Variants in RUVBL1 observed in about 807,000 individuals in gnomAD.
RUVBL1 encodes RuvB like AAA ATPase 1, also known as ruvB-like 1.
A neutral mutation model predicts 52.4 loss-of-function variants in RUVBL1; 4 were observed. That is an observed-to-expected ratio of 0.08 (90% CI 0.04 to 0.17). RUVBL1 has a LOEUF of 0.17. Among genes scored for constraint, RUVBL1 ranks in the 10% least tolerant of loss-of-function variants. The pLI is 1.00. For missense variants in RUVBL1, 298 were observed against 572.8 expected, an observed-to-expected ratio of 0.52 and a Z score of 4.90; for synonymous variants, 217 against 214.4, an observed-to-expected ratio of 1.01 and a Z score of -0.10.
intron 2 of RUVBL1, among the ~76,000 whole-genome samples, chr3:128,114,631 G>A (rs1576470282): frequency 6.6e-6 from 1 of 152,150 alleles, no homozygotes; most frequent in Non-Finnish European, 1.5e-5. Context: ...AGGCAGACAC[G>A]CCACAGTGCA....
chr3:128,065,184 G>A (rs1941927176), exon 10 of RUVBL1: 1 of 913,530 alleles, frequency 1.1e-6, no homozygotes, highest in African/African-American at 1.6e-5. Context: ...CAGGTTTCCA[G>A]ATGAGCTGGA....
chr3:128,141,321 T>A (rs1944018327), intron 1 of RUVBL1, among the ~76,000 whole-genome samples: 2 of 152,164 alleles, frequency 1.3e-5, no homozygotes, highest in Non-Finnish European at 2.9e-5. Flanking sequence ...CAAATCCTGC[T>A]TTTTCTGAGC....
chr3:128,137,153 A>G (rs1226835613), intron 1 of RUVBL1, among the ~76,000 whole-genome samples: 1 of 152,218 alleles, frequency 6.6e-6, no homozygotes, highest in African/African-American at 2.4e-5. Context: ...ATCTTAAATA[A>G]CTAGAAAAGC....
chr3:128,076,224 G>A (rs1053344912), downstream of RUVBL1: 3 of 152,502 alleles, frequency 2.0e-5, no homozygotes, highest in Non-Finnish European at 4.4e-5. The surrounding 1 kb of genome is among the most constrained non-coding windows in gnomAD (Gnocchi z 6.8). Flanking sequence ...GCGGAGGAGG[G>A]GGGTGGGAAG....
rs766547190 is a variant in RUVBL1 at position 128,081,386 on chromosome 3, G to A, written c.1235C>T (p.Pro412Leu). 5 of 1,614,074 alleles carry A rather than the reference G, an allele frequency of 3.1e-6. No homozygotes were observed. The highest frequency in any genetic ancestry group is 3.4e-6 in the Non-Finnish European group (4 of 1,179,960). The change falls in exon 11 of 11, where the codon CCG becomes CTG. Residue 412 changes from proline to leucine, a missense_variant. Around this residue, in one of 5 missense-constraint regions of RUVBL1, gnomAD observed 161 missense variants for 298.3 expected, o/e 0.54. Transcript: ENST00000322623. This position sits in a 1 kb window ranked among gnomAD's most constrained non-coding sequence, Gnocchi z 4.8. ...GTTGATTTTAGCAAGCAAGTTGGCC[G>A]GGGTCAGCAGCTGCACTGAGTACCT... The part of the protein sequence containing the change: ...TLRYSVQLLT[P>L]ANLLAKINGK...
intron 2 of RUVBL1, among the ~76,000 whole-genome samples, chr3:128,113,310 A>G (rs906123436): frequency 1.3e-5 from 2 of 152,246 alleles, no homozygotes. Flanking sequence ...TGAAATAGAC[A>G]CTAGTATTCT....
chr3:128,068,463 G>A (rs72974051), intron 9 of RUVBL1, among the ~76,000 whole-genome samples: 141 of 152,334 alleles, frequency 9.3e-4, no homozygotes, highest in African/African-American at 3.1e-3. Flanking sequence ...GCATCTGAGC[G>A]CATTTTGGGG....
At position 128,112,807 on chromosome 3, in the gene RUVBL1, G is replaced by C. The variant is rs886442084; in HGVS notation, c.361+81C>G. On this transcript the variant is annotated intron_variant, in intron 3 of 10. Coordinates refer to ENST00000322623, the MANE Select transcript of RUVBL1 (RefSeq NM_003707.3). Reference sequence around the variant, plus strand: ...AGTGCCACGAATACCAGTCATAAAGGCATCTTCACCACAAAGAGGCTTCGG... The same window carrying C: ...AGTGCCACGAATACCAGTCATAAAGCCATCTTCACCACAAAGAGGCTTCGG... The C allele has an allele frequency of 1.6e-4, 236 of 1,470,126 alleles. 2 individuals carry two copies. Among genetic ancestry groups the C allele is most frequent in the Non-Finnish European group, 3.1e-5 (33 of 1,078,632 alleles). 91.1% of individuals were successfully genotyped at this position (1,470,126 alleles called of 1,614,324 possible). A position where few individuals can be genotyped will look rare whatever the true frequency, so the allele number is the denominator to read the frequency against.
intron 7 of RUVBL1, among the ~76,000 whole-genome samples, chr3:128,098,343 T>C (rs9856227): frequency 0.071 from 10,778 of 152,266 alleles, 1,009 homozygotes; most frequent in East Asian, 0.35. Context: ...TGGCTTAAAC[T>C]TTAAAGACAA....
intron 1 of RUVBL1, among the ~76,000 whole-genome samples, chr3:128,136,148 C>T (rs572220531): frequency 6.7e-6 from 1 of 149,966 alleles, no homozygotes; most frequent in East Asian, 2.0e-4. Context: ...TTTAAAGATA[C>T]CACCAGAGAA....
At chr3:128,097,807 C>T (rs1403812793) in intron 7 of RUVBL1, among the ~76,000 whole-genome samples, 4 of 152,240 alleles carry the variant, frequency 2.6e-5, no homozygotes, top group Admixed American at 2.6e-4. Context: ...TGCTGTCACA[C>T]TCCCTACCAT....
intron 9 of RUVBL1, among the ~76,000 whole-genome samples, chr3:128,068,236 C>T (rs953806239): frequency 3.9e-5 from 6 of 152,238 alleles, no homozygotes; most frequent in African/African-American, 1.4e-4. Flanking sequence ...ACACTGGAGA[C>T]GTAAAAATAA....
At chr3:128,076,519 A>T (rs998157159), downstream of RUVBL1, among the ~76,000 whole-genome samples, 6 of 152,036 alleles carry the variant, frequency 3.9e-5, no homozygotes, top group African/African-American at 1.4e-4. This position sits in a 1 kb window ranked among gnomAD's most constrained non-coding sequence, Gnocchi z 6.8. Context: ...GTTCTCAAAG[A>T]TGGTTGGGAC....
At chr3:128,108,699 T>TA (rs74269418) in intron 3 of RUVBL1, among the ~76,000 whole-genome samples, 21,507 of 143,400 alleles carry the variant, frequency 0.15, 1,726 homozygotes, top group African/African-American at 0.23. Context: ...TTGTCTCAAT[T>TA]AAAAAAAAAA....
intron 8 of RUVBL1, among the ~76,000 whole-genome samples, chr3:128,092,999 C>A (rs1382679872): frequency 1.2e-4 from 18 of 150,820 alleles, no homozygotes; most frequent in Admixed American, 1.1e-3. Flanking sequence ...CAAAGTGAGA[C>A]CCCATCTCTA....
At chr3:128,116,336 T>A (rs1293299734) in intron 2 of RUVBL1, among the ~76,000 whole-genome samples, 3 of 151,606 alleles carry the variant, frequency 2.0e-5, no homozygotes, top group African/African-American at 7.3e-5. Context: ...AAGTCAGGAG[T>A]TCGAGACCAG....
chr3:128,148,965 CA>C (rs1559840347), intron 1 of RUVBL1, among the ~76,000 whole-genome samples: 2 of 151,950 alleles, frequency 1.3e-5, no homozygotes, highest in African/African-American at 4.8e-5. Context: ...TTGAACATAT[CA>C]AAAATGTAGA....
At chr3:128,085,417 G>GT (rs1942615767) in intron 9 of RUVBL1, among the ~76,000 whole-genome samples, 1 of 152,206 alleles carries the variant, frequency 6.6e-6, no homozygotes, top group South Asian at 2.1e-4. Flanking sequence ...ATGTCCCGCA[G>GT]TAAGAATGGG....
intron 8 of RUVBL1, among the ~76,000 whole-genome samples, chr3:128,091,492 A>C (rs967838574): frequency 1.3e-5 from 2 of 152,258 alleles, no homozygotes; most frequent in Non-Finnish European, 2.9e-5. Flanking sequence ...GCAATTGTCC[A>C]AACTCGGCCA....
Sources: gnomAD v4.1 joint callset for allele counts (sites outside exome capture counted in the v4.1 genomes callset) on GRCh38, gnomAD v4.1.1 for gene constraint, gnomAD v4.1.1 regional missense constraint, Gnocchi (gnomAD v3.1) non-coding constraint, MANE v1.5 for transcripts, NCBI Gene and HGNC (gene_info 2026-07-23, HGNC 2026-07-21) for gene names.